Variants in DLG2 observed in about 807,000 individuals in gnomAD.
DLG2 encodes disks large homolog 2.
Under a neutral mutation model 132.5 loss-of-function variants are expected in DLG2, and 45 were observed. The ratio of observed to expected loss-of-function variants is 0.34; its 90% CI spans 0.27 to 0.44. The LOEUF is 0.44. Ranked by LOEUF, DLG2 falls within the 20% of genes least tolerant of loss-of-function variation. DLG2 has a pLI of 1.00. For missense variants in DLG2, 1,045 were observed against 1,196.9 expected, an observed-to-expected ratio of 0.87 and a Z score of 1.87; for synonymous variants, 424 against 419.6, an observed-to-expected ratio of 1.01 and a Z score of -0.13.
At chr11:84,945,535 G>A (rs1019654726) in intron 6 of DLG2, among the ~76,000 whole-genome samples, 16 of 152,290 alleles carry the variant, frequency 1.1e-4, no homozygotes, top group South Asian at 6.2e-4. Context: ...ACTGGGTCTC[G>A]CCCAAGACCC....
At chr11:85,472,260 G>C (rs781536596) in intron 3 of DLG2, among the ~76,000 whole-genome samples, 6 of 152,088 alleles carry the variant, frequency 3.9e-5, no homozygotes, top group Non-Finnish European at 7.4e-5. Flanking sequence ...CCTTCAGGTA[G>C]GGGCTACCCA....
At chr11:84,586,471 G>A (rs2099530186) in intron 6 of DLG2, among the ~76,000 whole-genome samples, 1 of 152,084 alleles carries the variant, frequency 6.6e-6, no homozygotes, top group Non-Finnish European at 1.5e-5. Context: ...TTAGGCTCAT[G>A]TATCATCATT....
At chr11:84,977,986 G>C (rs964768375) in intron 6 of DLG2, among the ~76,000 whole-genome samples, 1 of 152,258 alleles carries the variant, frequency 6.6e-6, no homozygotes, top group Non-Finnish European at 1.5e-5. Context: ...GCCTTGAGGA[G>C]AGAAGAAATT....
Position 84,163,519 on chromosome 11 carries a change from T to C in DLG2, c.574-8A>G. 2 of 1,599,806 alleles carry C rather than the reference T, an allele frequency of 1.3e-6. No homozygotes were observed. Among genetic ancestry groups the C allele is most frequent in the South Asian group, 1.1e-5 (1 of 88,718 alleles). On this transcript the variant is annotated splice_polypyrimidine_tract_variant and splice_region_variant and intron_variant, in intron 8 of 27. Coordinates refer to ENST00000376104, the MANE Select transcript of DLG2 (RefSeq NM_001142699.3). ...AATTTCTGTCCCATTGACCTGTAAA[T>C]AGGGAAAAAATAAGAAGAGAACTAT...
At chr11:85,534,755 T>C (rs1370802000) in intron 3 of DLG2, among the ~76,000 whole-genome samples, 2 of 152,210 alleles carry the variant, frequency 1.3e-5, no homozygotes, top group Non-Finnish European at 1.5e-5. Context: ...AGCATCTAGC[T>C]TGGCTCCATG....
At chr11:84,897,300 T>C (rs1356526188) in intron 6 of DLG2, among the ~76,000 whole-genome samples, 2 of 151,944 alleles carry the variant, frequency 1.3e-5, no homozygotes, top group Non-Finnish European at 2.9e-5. Flanking sequence ...CTACATAGTA[T>C]CCATTGTATT....
intron 4 of DLG2, among the ~76,000 whole-genome samples, chr11:85,216,125 G>A (rs2082577462): frequency 6.6e-6 from 1 of 151,912 alleles, no homozygotes; most frequent in African/African-American, 2.4e-5. Flanking sequence ...GATCCACCCT[G>A]GGCAATACAG....
At chr11:84,276,912 T>C (rs964659973) in intron 7 of DLG2, among the ~76,000 whole-genome samples, 6 of 151,960 alleles carry the variant, frequency 3.9e-5, no homozygotes, top group Non-Finnish European at 7.4e-5. Flanking sequence ...AAAGAATGGG[T>C]TTCAAGAATG....
intron 23 of DLG2, among the ~76,000 whole-genome samples, 159 bp downstream of exon 23, chr11:83,472,564 AAGAG>A (rs757261851): frequency 5.3e-5 from 8 of 152,126 alleles, no homozygotes; most frequent in Non-Finnish European, 1.0e-4. Flanking sequence ...GATAGGGTCA[AAGAG>A]AGAGAAAGTG....
chr11:85,302,646 TAAAA>T (rs202166044), intron 3 of DLG2, among the ~76,000 whole-genome samples: 1 of 105,852 alleles, frequency 9.4e-6, no homozygotes, highest in African/African-American at 3.4e-5. Flanking sequence ...CTTGAAAAGT[TAAAA>T]AAAAAAAAAA....
chr11:85,483,924 C>T (rs1295884543), intron 3 of DLG2, among the ~76,000 whole-genome samples: 1 of 150,386 alleles, frequency 6.6e-6, no homozygotes, highest in African/African-American at 2.5e-5. Flanking sequence ...ATAATAGCTA[C>T]AATACTTTAT....
chr11:85,191,160 G>GCACACACACACACACACACACA (rs1256970184), intron 4 of DLG2, among the ~76,000 whole-genome samples: 1 of 101,106 alleles, frequency 9.9e-6, no homozygotes, highest in African/African-American at 4.4e-5. Context: ...GCGCGCACGC[G>GCACACACACACACACACACACA]CGCACACACA....
chr11:85,023,392 A>G (rs1266730513), intron 6 of DLG2, among the ~76,000 whole-genome samples: 1 of 152,096 alleles, frequency 6.6e-6, no homozygotes, highest in African/African-American at 2.4e-5. Flanking sequence ...AACAGTTATT[A>G]CCAACTTAAA....
chr11:84,663,824 T>C (rs1353207480), intron 6 of DLG2, among the ~76,000 whole-genome samples: 1 of 152,162 alleles, frequency 6.6e-6, no homozygotes, highest in Non-Finnish European at 1.5e-5. Flanking sequence ...GGGCTGACAC[T>C]GGACGACGAT....
chr11:85,096,952 AG>A lies in DLG2; in HGVS notation c.357+14708del, dbSNP rs538112633. Reference sequence around the variant, plus strand: ...TTTCCTGTACTTCTGGGCTGAGCCAAGGGTCGACAAAGAAGAAAGCCATTCA... The same window carrying A: ...TTTCCTGTACTTCTGGGCTGAGCCAAGGTCGACAAAGAAGAAAGCCATTCA... On this transcript the variant is annotated intron_variant, in intron 6 of 27. Coordinates refer to ENST00000376104, the MANE Select transcript of DLG2 (RefSeq NM_001142699.3). Among the ~76,000 whole-genome samples, 50 of 152,216 alleles carry A rather than the reference AG, an allele frequency of 3.3e-4. No homozygotes were observed. The South Asian group carries it at 8.5e-3, about 26-fold the overall frequency.
chr11:84,784,633 A>T (rs1052579718), intron 6 of DLG2, among the ~76,000 whole-genome samples: 2 of 152,006 alleles, frequency 1.3e-5, no homozygotes, highest in African/African-American at 4.8e-5. Context: ...ACATATAAAG[A>T]CTCTTGCTTT....
intron 3 of DLG2, among the ~76,000 whole-genome samples, chr11:85,590,215 A>G (rs975419355): frequency 6.6e-5 from 10 of 152,230 alleles, no homozygotes; most frequent in African/African-American, 2.4e-4. Context: ...AAGAAATTTA[A>G]TGAAGAACTG....
chr11:84,835,546 T>C (rs1207764838), intron 6 of DLG2, among the ~76,000 whole-genome samples: 4 of 151,810 alleles, frequency 2.6e-5, no homozygotes, highest in Admixed American at 2.6e-4. Context: ...ATTATTGTTG[T>C]TATGCAGTGA....
chr11:85,429,847 C>A (rs1472029296), intron 3 of DLG2, among the ~76,000 whole-genome samples: 1 of 152,150 alleles, frequency 6.6e-6, no homozygotes, highest in African/African-American at 2.4e-5. Flanking sequence ...ACCCAGCCAT[C>A]CCATTACTGG....
Sources: allele counts gnomAD v4.1 joint callset (sites outside exome capture counted in the v4.1 genomes callset), GRCh38; gene constraint gnomAD v4.1.1; transcripts MANE v1.5; gene names NCBI Gene and HGNC (gene_info 2026-07-23, HGNC 2026-07-21).